The following B3GALT1 variants were observed in gnomAD, a reference collection of about 807,000 sequenced individuals.
B3GALT1 encodes the protein UDP-Gal:betaGlcNAc beta 1,3-galactosyltransferase, polypeptide 1.
Under a neutral mutation model 23.2 loss-of-function variants are expected in B3GALT1, and 10 were observed. The ratio of observed to expected loss-of-function variants is 0.43; its 90% CI spans 0.27 to 0.73. The LOEUF (loss-of-function observed/expected upper bound fraction) is 0.73, where lower values mean the gene tolerates loss of function less well. B3GALT1 is among the 30% of genes least tolerant of loss of function. B3GALT1 has a pLI of 0.21. For synonymous variants in B3GALT1, 156 were observed against 141.5 expected (o/e 1.10, Z -0.73); for missense variants, 299 against 405.4 (o/e 0.74, Z 2.25).
At chr2:167,509,099 G>A (rs537735111) in intron 2 of B3GALT1, among the ~76,000 whole-genome samples, 1 of 152,184 alleles carries the variant, frequency 6.6e-6, no homozygotes, top group Admixed American at 6.5e-5. Flanking sequence ...CAGTCCCTTT[G>A]GAGCAAAAAT....
At position 167,616,311 on chromosome 2, in the gene B3GALT1, C is replaced by T. The variant is rs144657462; in HGVS notation, c.-409-30598C>T. 9.2e-3 allele frequency among the ~76,000 whole-genome samples: 1,405 copies of T among 152,082 alleles called. 15 individuals carry two copies. Among genetic ancestry groups the T allele is most frequent in the South Asian group, 0.035 (168 of 4,816 alleles). On this transcript the variant is annotated intron_variant, in intron 2 of 4. Coordinates refer to ENST00000392690, the MANE Select transcript of B3GALT1 (RefSeq NM_020981.4). The stretch of plus-strand genomic sequence containing the variant: ...CAAACTGTATAAAAATAATTTAAAT[C>T]ACATACTTTGACCCAGTAATTACTG...
At chr2:167,325,715 T>C (rs1559066145) in intron 1 of B3GALT1, among the ~76,000 whole-genome samples, 2 of 149,394 alleles carry the variant, frequency 1.3e-5, no homozygotes, top group African/African-American at 4.9e-5. Flanking sequence ...TTTTTTTTTT[T>C]TTTTTTTTTT....
At chr2:167,796,250 C>A (rs1420071747) in intron 3 of B3GALT1, among the ~76,000 whole-genome samples, 1 of 152,120 alleles carries the variant, frequency 6.6e-6, no homozygotes, top group African/African-American at 2.4e-5. Context: ...TGTGGCCATT[C>A]GTGACAATAA....
chr2:167,329,840 A>C (rs1047379170), intron 1 of B3GALT1, among the ~76,000 whole-genome samples: 29 of 151,854 alleles, frequency 1.9e-4, no homozygotes, highest in Non-Finnish European at 1.8e-4. Flanking sequence ...TCAGCCTTTG[A>C]ATCTATGTCC....
chr2:167,529,934 C>G (rs1183710873), intron 2 of B3GALT1, among the ~76,000 whole-genome samples: 1 of 152,060 alleles, frequency 6.6e-6, no homozygotes, highest in Non-Finnish European at 1.5e-5. Flanking sequence ...GATTATGTCA[C>G]TCCCCTTCTC....
At chr2:167,481,117 A>G (rs1209886947) in intron 1 of B3GALT1, among the ~76,000 whole-genome samples, 2 of 152,190 alleles carry the variant, frequency 1.3e-5, no homozygotes, top group African/African-American at 4.8e-5. Flanking sequence ...TTGACTTACA[A>G]GGGTCAAATT....
intron 2 of B3GALT1, among the ~76,000 whole-genome samples, chr2:167,631,012 A>G (rs1685430476): frequency 7.7e-6 from 1 of 130,398 alleles, no homozygotes; most frequent in Non-Finnish European, 1.6e-5. Flanking sequence ...GATTGGGGGT[A>G]AAAAAAAGGG....
intron 2 of B3GALT1, among the ~76,000 whole-genome samples, chr2:167,561,287 C>T (rs563994515): frequency 1.3e-5 from 2 of 152,288 alleles, no homozygotes; most frequent in African/African-American, 4.8e-5. Context: ...ACCAGAATCT[C>T]TGGGACACAG....
chr2:167,498,773 C>A (rs959727797), intron 2 of B3GALT1, among the ~76,000 whole-genome samples: 5 of 152,022 alleles, frequency 3.3e-5, no homozygotes, highest in African/African-American at 1.2e-4. Context: ...CAATTCTTTG[C>A]CCCCATTCCC....
At chr2:167,584,051 G>T (rs1558915105) in intron 2 of B3GALT1, among the ~76,000 whole-genome samples, 1 of 152,014 alleles carries the variant, frequency 6.6e-6, no homozygotes, top group African/African-American at 2.4e-5. Context: ...GTGGCAGGCT[G>T]GGGGAGCAGG....
In B3GALT1 at chr2:167,869,709, A is replaced by G; in HGVS notation, c.670A>G (p.Arg224Gly). ...RDVRSKWYMP[R>G]DLYPDSNYPP... ...TGTCCGCAGTAAGTGGTATATGCCC[A>G]GGGATTTGTACCCAGACAGTAACTA... Residue 224 changes from arginine to glycine, a missense_variant, in exon 5 of 5, where the codon AGG (arginine) becomes GGG (glycine). Arg to Gly is a moderately radical substitution (Grantham distance 125). Coordinates refer to ENST00000392690, the MANE Select transcript of B3GALT1 (RefSeq NM_020981.4). The surrounding 1 kb of genome is among the most constrained non-coding windows in gnomAD (Gnocchi z 6.4). The G allele has an allele frequency of 6.2e-7, 1 of 1,614,208 alleles. No homozygotes were observed. Among genetic ancestry groups the G allele is most frequent in the Non-Finnish European group, 8.5e-7 (1 of 1,180,026 alleles).
chr2:167,401,203 C>G (rs1265479933), intron 1 of B3GALT1, among the ~76,000 whole-genome samples: 3 of 152,114 alleles, frequency 2.0e-5, no homozygotes, highest in Non-Finnish European at 4.4e-5. Context: ...AGTTTGATCA[C>G]AGATAGAATA....
At chr2:167,444,257 G>T (rs975599111) in intron 1 of B3GALT1, among the ~76,000 whole-genome samples, 1 of 152,186 alleles carries the variant, frequency 6.6e-6, no homozygotes, top group African/African-American at 2.4e-5. Context: ...TGTGCTGCTG[G>T]ATTTGGTTTG....
intron 1 of B3GALT1, among the ~76,000 whole-genome samples, chr2:167,294,934 G>C (rs1227177973): frequency 6.6e-6 from 1 of 152,144 alleles, no homozygotes; most frequent in Non-Finnish European, 1.5e-5. Flanking sequence ...TTCTGATTTG[G>C]TAAACCAGAG....
rs60521677 is a variant in B3GALT1, at chr2:167,467,941, T to C, written c.-510-22236T>C. Reference sequence around the variant, plus strand: ...TACGTTGTAGTCCAGTAGAGGAAAGTAGATAATAAGCAACCAAAAATATAC... The same window carrying C: ...TACGTTGTAGTCCAGTAGAGGAAAGCAGATAATAAGCAACCAAAAATATAC... On this transcript the variant is annotated intron_variant, in intron 1 of 4. Coordinates refer to ENST00000392690, the MANE Select transcript of B3GALT1 (RefSeq NM_020981.4). Among the ~76,000 whole-genome samples the C allele has an allele frequency of 8.7e-3, 1,325 of 152,246 alleles. 20 individuals carry two copies. Among genetic ancestry groups the C allele is most frequent in the African/African-American group, 0.03 (1,239 of 41,550 alleles).
At chr2:167,313,221 C>T (rs980696496) in intron 1 of B3GALT1, among the ~76,000 whole-genome samples, 1 of 152,036 alleles carries the variant, frequency 6.6e-6, no homozygotes, top group Non-Finnish European at 1.5e-5. Context: ...TACTAACTCT[C>T]CCCTTGGAGT....
chr2:167,482,578 G>A (rs1389693108), intron 1 of B3GALT1, among the ~76,000 whole-genome samples: 1 of 152,008 alleles, frequency 6.6e-6, no homozygotes, highest in African/African-American at 2.4e-5. Flanking sequence ...TCTTCTCTTC[G>A]AACCCCAGTG....
At chr2:167,711,599 T>C (rs148999912) in intron 3 of B3GALT1, among the ~76,000 whole-genome samples, 5 of 152,322 alleles carry the variant, frequency 3.3e-5, no homozygotes, top group African/African-American at 1.2e-4. Flanking sequence ...TCTGGTAATT[T>C]CCAAGTGGTA....
intron 2 of B3GALT1, among the ~76,000 whole-genome samples, chr2:167,608,156 A>G (rs1296759232): frequency 6.6e-6 from 1 of 152,190 alleles, no homozygotes; most frequent in African/African-American, 2.4e-5. Context: ...TGTTAATATT[A>G]TGATTACTTG....
Sources: gnomAD v4.1 joint callset for allele counts (sites outside exome capture counted in the v4.1 genomes callset) on GRCh38, gnomAD v4.1.1 for gene constraint, Gnocchi (gnomAD v3.1) non-coding constraint, MANE v1.5 for transcripts, NCBI Gene and HGNC (gene_info 2026-07-23, HGNC 2026-07-21) for gene names.